Variants in ABCA1 observed in about 807,000 individuals in gnomAD.
ABCA1 encodes phospholipid-transporting ATPase ABCA1.
ABCA1 carries 133 observed loss-of-function variants against 262.5 expected under a neutral mutation model. The ratio of observed to expected loss-of-function variants is 0.51; its 90% confidence interval spans 0.44 to 0.59. The LOEUF is 0.59. Ranked by LOEUF, ABCA1 falls within the 20% of genes least tolerant of loss-of-function variation. The probability of loss-of-function intolerance (pLI) is 0.00; values close to 1 mark genes in which losing one functional copy is unlikely to be tolerated. For missense variants in ABCA1, 2,452 were observed against 2,777.5 expected (o/e 0.88, Z 2.63); for synonymous variants, 1,022 against 1,043.5 (o/e 0.98, Z 0.40).
chr9:104,785,608 T>C lies in ABCA1; in HGVS notation c.6433A>G (p.Ile2145Val), dbSNP rs746675064. 2.5e-6 allele frequency: 4 copies of C among 1,613,992 alleles called. No homozygotes were observed. In the African/African-American group the frequency reaches 4.0e-5, roughly 16 times the overall value. Residue 2145 changes from isoleucine (I) to valine (V), a missense_variant, in exon 49 of 50, where the codon ATA becomes GTA. Ile to Val is a conservative substitution (Grantham distance 29, BLOSUM62 3). Coordinates refer to ENST00000374736, the MANE Select transcript of ABCA1 (RefSeq NM_005502.4). ...FGDGYTIVVRIAGSNPDLKPV... is the reference protein window; with the variant it reads ...FGDGYTIVVRVAGSNPDLKPV... Reference sequence around the variant, plus strand: ...TTCAGGTCCGGGTTGGACCCTGCTATTCGTACAACTATTGTATAACCATCT... The same window carrying C: ...TTCAGGTCCGGGTTGGACCCTGCTACTCGTACAACTATTGTATAACCATCT...
At chr9:104,913,882 G>A (rs948316717) in intron 1 of ABCA1, among the ~76,000 whole-genome samples, 6 of 152,172 alleles carry the variant, frequency 3.9e-5, no homozygotes, top group South Asian at 4.1e-4. Flanking sequence ...TGCAAGCTCC[G>A]CCTCCCGGCT....
At position 104,817,232 on chromosome 9, in the gene ABCA1, T is replaced by C; in HGVS notation, c.3535+100A>G. The stretch of plus-strand genomic sequence containing the variant: ...CCCCAGCCCAGCAGCAAACCTTGAG[T>C]CAGCGCCACCAGCCTCTGCACCTCT... On this transcript the variant is annotated intron_variant, in intron 24 of 49. Coordinates refer to ENST00000374736, the MANE Select transcript of ABCA1 (RefSeq NM_005502.4). The surrounding 1 kb of genome is among the most constrained non-coding windows in gnomAD (Gnocchi z 4.7). 1 of 1,603,814 alleles carries C rather than the reference T, an allele frequency of 6.2e-7. No homozygotes were observed. Among genetic ancestry groups the C allele is most frequent in the Middle Eastern group, 1.9e-4 (1 of 5,182 alleles).
chr9:104,926,556 C>T (rs1163819475), intron 1 of ABCA1, among the ~76,000 whole-genome samples: 1 of 152,178 alleles, frequency 6.6e-6, no homozygotes, highest in African/African-American at 2.4e-5. Context: ...GATTCACAGT[C>T]GGAACCGCGA....
intron 5 of ABCA1, among the ~76,000 whole-genome samples, chr9:104,875,291 C>T (rs888787723): frequency 3.4e-5 from 5 of 146,776 alleles, no homozygotes; most frequent in South Asian, 2.2e-4. Context: ...CGCAGTGAGC[C>T]GAGATCACAC....
At chr9:104,900,293 T>TGCAAAC (rs1453606137) in intron 2 of ABCA1, among the ~76,000 whole-genome samples, 1 of 152,182 alleles carries the variant, frequency 6.6e-6, no homozygotes, top group African/African-American at 2.4e-5. Context: ...CTAATGGGCC[T>TGCAAAC]TAAGACATTT....
intron 16 of ABCA1, 105 bp from the exon 17 acceptor site, chr9:104,825,992 A>G: frequency 8.7e-7 from 1 of 1,156,044 alleles, no homozygotes; most frequent in South Asian, 1.3e-5. Context: ...TGCAAAATGG[A>G]TCAATCATAA....
At chr9:104,802,907 G>C (rs543642321) in intron 33 of ABCA1, among the ~76,000 whole-genome samples, 1 of 152,116 alleles carries the variant, frequency 6.6e-6, no homozygotes, top group Non-Finnish European at 1.5e-5. Flanking sequence ...AAGAAGCCTC[G>C]GGAATCTGGT....
At chr9:104,894,150 G>T (rs1840006444) in intron 2 of ABCA1, among the ~76,000 whole-genome samples, 1 of 152,090 alleles carries the variant, frequency 6.6e-6, no homozygotes, top group Non-Finnish European at 1.5e-5. Context: ...CTATGTTTAG[G>T]ACATATACCT....
In ABCA1 at chr9:104,827,167, T is replaced by C; in HGVS notation, c.2118A>G (p.Leu706=). The C allele has an allele frequency of 1.2e-6, 2 of 1,613,702 alleles. No homozygotes were observed. The highest frequency in any genetic ancestry group is 2.2e-5 in the South Asian group (2 of 91,032). Reference sequence around the variant, plus strand: ...GATCACTGTAGGGCAGCAGGTTTCCTAACTGGGAAGGAAGAGACACATCAA... The same window carrying C: ...GATCACTGTAGGGCAGCAGGTTTCCCAACTGGGAAGGAAGAGACACATCAA... ...SAGLLVVILK[L]GNLLPYSDPS... The change falls in exon 16 of 50, where the codon TTA becomes TTG. Residue 706 remains leucine, a splice_region_variant and synonymous_variant. Coordinates refer to ENST00000374736, the MANE Select transcript of ABCA1 (RefSeq NM_005502.4).
At chr9:104,890,743 C>T (rs1243467209) in intron 2 of ABCA1, among the ~76,000 whole-genome samples, 1 of 151,896 alleles carries the variant, frequency 6.6e-6, no homozygotes, top group Non-Finnish European at 1.5e-5. Flanking sequence ...GGATTACAGG[C>T]GTGAGCCACT....
At chr9:104,894,091 C>T (rs1839999560) in intron 2 of ABCA1, among the ~76,000 whole-genome samples, 2 of 152,148 alleles carry the variant, frequency 1.3e-5, no homozygotes, top group Non-Finnish European at 2.9e-5. Flanking sequence ...CCCAGATCTA[C>T]TGACACTTAA....
rs968707356 is a variant in ABCA1, at chr9:104,836,864, T to G, written c.1311+116A>C. 4.8e-6 allele frequency: 4 copies of G among 841,340 alleles called. No homozygotes were observed. The Admixed American group carries it at 7.3e-5, about 15-fold the overall frequency. 52.1% of individuals were successfully genotyped at this position (841,340 alleles called of 1,614,324 possible). A position where few individuals can be genotyped will look rare whatever the true frequency, so the allele number is the denominator to read the frequency against. On this transcript the variant is annotated intron_variant, in intron 11 of 49. Transcript: ENST00000374736. ...GTGACTTTAGCTATGCTCACTACAT[T>G]CCCCCAGCTAGATAAACTGAAAGAA...
In ABCA1 at chr9:104,863,903, C is replaced by T. The variant is rs117922377; in HGVS notation, c.422-2103G>A. ...GAGCACCTAAGCTTCATTTAGGGAG[C>T]ATGCGAAAATGCAGTTTCTTGGGCC... On this transcript the variant is annotated intron_variant, in intron 5 of 49. Transcript: ENST00000374736. Among the ~76,000 whole-genome samples the T allele has an allele frequency of 1.9e-3, 294 of 152,310 alleles. 3 individuals are homozygous for T. The East Asian group carries it at 0.034, about 18-fold the overall frequency.
intron 2 of ABCA1, among the ~76,000 whole-genome samples, chr9:104,893,106 G>T (rs985225285): frequency 6.6e-6 from 1 of 151,976 alleles, no homozygotes; most frequent in African/African-American, 2.4e-5. Context: ...CTTTTAAATG[G>T]CATGACTGTA....
intron 30 of ABCA1, among the ~76,000 whole-genome samples, chr9:104,807,224 G>C (rs572210904): frequency 6.6e-6 from 1 of 152,166 alleles, no homozygotes; most frequent in Non-Finnish European, 1.5e-5. Flanking sequence ...TCCAATTTAT[G>C]TTCTCAAATG....
At chr9:104,925,935 G>A (rs1171288423) in intron 1 of ABCA1, among the ~76,000 whole-genome samples, 1 of 151,920 alleles carries the variant, frequency 6.6e-6, no homozygotes, top group Admixed American at 6.6e-5. Context: ...TGAAATAAAA[G>A]GGGAGATGAA....
intron 25 of ABCA1, among the ~76,000 whole-genome samples, chr9:104,814,715 GC>G (rs1401315793): frequency 6.6e-6 from 1 of 152,192 alleles, no homozygotes; most frequent in Non-Finnish European, 1.5e-5. Flanking sequence ...TAAAGTTATG[GC>G]TGAGCGCTGT....
chr9:104,794,621 A>T, intron 39 of ABCA1, 111 bp from the exon 40 acceptor site: 1 of 1,316,080 alleles, frequency 7.6e-7, no homozygotes, highest in Non-Finnish European at 1.0e-6. Context: ...GGGAGTGAAG[A>T]AAAAATTTGA....
chr9:104,908,014 A>G (rs1046686764), intron 1 of ABCA1, among the ~76,000 whole-genome samples: 3 of 152,246 alleles, frequency 2.0e-5, no homozygotes, highest in Non-Finnish European at 4.4e-5. Context: ...AGTTATTAAT[A>G]TCTACAGAAT....
Sources: allele counts gnomAD v4.1 joint callset (sites outside exome capture counted in the v4.1 genomes callset), GRCh38; gene constraint gnomAD v4.1.1; non-coding constraint Gnocchi (gnomAD v3.1); transcripts MANE v1.5; gene names NCBI Gene and HGNC (gene_info 2026-07-23, HGNC 2026-07-21).